AIF1L: variants seen among roughly 807,000 people sequenced by gnomAD.
The protein encoded by AIF1L is allograft inflammatory factor 1-like.
A neutral mutation model predicts 20.7 loss-of-function variants in AIF1L; 12 were observed. That is an observed-to-expected ratio of 0.58 (90% confidence interval 0.37 to 0.94). The LOEUF (loss-of-function observed/expected upper bound fraction) is 0.94. Ranked by LOEUF, AIF1L falls within the 40% of genes least tolerant of loss-of-function variation. AIF1L has a pLI of 0.01. For missense variants in AIF1L, 173 were observed against 185.3 expected (o/e 0.93, Z 0.39); for synonymous variants, 76 against 65.1 (o/e 1.17, Z -0.81).
intron 2 of AIF1L, chr9:131,102,817 G>A (rs971866827): frequency 8.9e-6 from 4 of 449,012 alleles, no homozygotes; most frequent in Admixed American, 2.4e-5. Flanking sequence ...GAGGTCCTAC[G>A]CCCCGGCATG....
intron 4 of AIF1L, among the ~76,000 whole-genome samples, chr9:131,116,786 T>G (rs2133405677): frequency 6.6e-6 from 1 of 152,384 alleles, no homozygotes; most frequent in Non-Finnish European, 1.5e-5. Context: ...TTGAAGCATC[T>G]TGCCGAACTG....
At chr9:131,110,222 TAAC>T (rs1281121565) in intron 2 of AIF1L, among the ~76,000 whole-genome samples, 1 of 152,004 alleles carries the variant, frequency 6.6e-6, no homozygotes, top group Non-Finnish European at 1.5e-5. Context: ...AAAATAATAA[TAAC>T]AATAGCTCCC....
chr9:131,099,884 G>A (rs1373814593), intron 2 of AIF1L, among the ~76,000 whole-genome samples: 1 of 151,694 alleles, frequency 6.6e-6, no homozygotes, highest in Non-Finnish European at 1.5e-5. Flanking sequence ...TTGCCACCAC[G>A]CCCAGCTAAT....
In AIF1L at chr9:131,122,068, A is replaced by G. The variant is rs187397808; in HGVS notation, c.*1746A>G. ...AGACCCAGACAATGACAATGAGATA[A>G]ATGTTAGGAAGGGGGAGGTATGGGG... On this transcript the variant is annotated 3_prime_UTR_variant, in exon 6 of 6. Transcript: ENST00000247291. 2.8e-4 allele frequency: 42 copies of G among 152,358 alleles called. No homozygotes were observed. Among genetic ancestry groups the G allele is most frequent in the African/African-American group, 9.4e-4 (39 of 41,558 alleles). 9.4% of individuals were successfully genotyped at this position (152,358 alleles called of 1,614,324 possible).
At chr9:131,112,167 C>G (rs541946516) in intron 3 of AIF1L, 3 of 157,816 alleles carry the variant, frequency 1.9e-5, no homozygotes, top group Non-Finnish European at 4.2e-5. Context: ...GGAGCCGGCG[C>G]GGGGAGAGGG....
intron 5 of AIF1L, among the ~76,000 whole-genome samples, chr9:131,119,522 A>G (rs1243044845): frequency 1.3e-5 from 2 of 150,094 alleles, no homozygotes; most frequent in Admixed American, 1.3e-4. Context: ...AAAAAAAAAA[A>G]AGAAAACAGA....
rs180977594 is a variant in AIF1L, at chr9:131,100,275, T to G, written c.93+3412T>G. Among the ~76,000 whole-genome samples the G allele has an allele frequency of 1.7e-3, 253 of 152,250 alleles. 1 individual carries two copies. Among genetic ancestry groups the G allele is most frequent in the African/African-American group, 5.7e-3 (236 of 41,546 alleles). ...ACTCTAATGGGCCTAGAAATCCCAG[T>G]AGAGGAAGGGAGGTGGGGGAGCCGC... On this transcript the variant is annotated intron_variant, in intron 2 of 5. Transcript: ENST00000247291.
intron 2 of AIF1L, chr9:131,102,941 G>T (rs1830669842): frequency 4.4e-6 from 2 of 456,356 alleles, no homozygotes; most frequent in Non-Finnish European, 8.8e-6. Context: ...GATACAGAAA[G>T]ACAAGCCTGG....
At chr9:131,116,966 C>T (rs1831027697) in intron 4 of AIF1L, among the ~76,000 whole-genome samples, 1 of 152,202 alleles carries the variant, frequency 6.6e-6, no homozygotes, top group South Asian at 2.1e-4. Flanking sequence ...TGCGCCACGG[C>T]CCATGGCCCC....
chr9:131,114,418 G>A lies in AIF1L; in HGVS notation c.161-159G>A, dbSNP rs1830962217. On this transcript the variant is annotated intron_variant, in intron 3 of 5. Transcript: ENST00000247291. ...ATGAGCTCTTTCCCCAGAGGCCATG[G>A]CTCAGCGGATGGGGGACTCAGGTCA... The A allele has an allele frequency of 4.1e-6, 3 of 736,724 alleles. No individual in the cohort carries two copies. The Admixed American group carries it at 6.2e-5, about 15-fold the overall frequency. The allele number at this position is 736,724 out of a possible 1,614,324, so 45.6% of individuals were successfully genotyped here. A position where few individuals can be genotyped will look rare whatever the true frequency, so the allele number is the denominator to read the frequency against.
At chr9:131,096,769 C>T (rs1190464686) in intron 1 of AIF1L, 33 bp from the exon 2 acceptor site, 3 of 1,515,408 alleles carry the variant, frequency 2.0e-6, no homozygotes, top group African/African-American at 2.9e-5. Context: ...GAAGAGGACC[C>T]CGCTTCCCAG....
Position 131,120,431 on chromosome 9 carries a change from G to A in AIF1L, c.*109G>A. 1 of 941,066 alleles carries A rather than the reference G, an allele frequency of 1.1e-6. No individual in the cohort carries two copies. The highest frequency in any genetic ancestry group is 1.8e-5 in the South Asian group (1 of 56,616). The allele number at this position is 941,066 out of a possible 1,614,324, so 58.3% of individuals were successfully genotyped here. A position where few individuals can be genotyped will look rare whatever the true frequency, so the allele number is the denominator to read the frequency against. Reference sequence around the variant, plus strand: ...TCTCTCTCATTTGTTTGGTCATTGAGGGTTTGTTTGTGTTTTCATCAATGT... The same window carrying A: ...TCTCTCTCATTTGTTTGGTCATTGAAGGTTTGTTTGTGTTTTCATCAATGT... On this transcript the variant is annotated 3_prime_UTR_variant, in exon 6 of 6. Coordinates refer to ENST00000247291, the MANE Select transcript of AIF1L (RefSeq NM_031426.4).
intron 2 of AIF1L, among the ~76,000 whole-genome samples, chr9:131,097,510 C>G (rs1256150806): frequency 6.6e-6 from 1 of 152,242 alleles, no homozygotes; most frequent in African/African-American, 2.4e-5. Flanking sequence ...CCTCTTCACT[C>G]CAACTTTCAG....
chr9:131,101,445 T>G (rs1830639148), intron 2 of AIF1L, among the ~76,000 whole-genome samples: 1 of 151,494 alleles, frequency 6.6e-6, no homozygotes, highest in Admixed American at 6.6e-5. Flanking sequence ...CTCCTGGGCT[T>G]AGGTGATCCT....
chr9:131,099,314 G>C lies in AIF1L; in HGVS notation c.93+2451G>C, dbSNP rs1376566247. On this transcript the variant is annotated intron_variant, in intron 2 of 5. Coordinates refer to ENST00000247291, the MANE Select transcript of AIF1L (RefSeq NM_031426.4). ...GGATCTCTGCCCCTCTGGAGTCCCTGCAACAATTAACCGATGGAAGTGGAT... is the reference window on the plus strand; with the variant it reads ...GGATCTCTGCCCCTCTGGAGTCCCTCCAACAATTAACCGATGGAAGTGGAT... 2.0e-5 allele frequency among the ~76,000 whole-genome samples: 3 copies of C among 152,192 alleles called. No homozygotes were observed. In the East Asian group the frequency reaches 5.8e-4, roughly 29 times the overall value.
chr9:131,117,639 G>A (rs1175229040), intron 4 of AIF1L, 117 bp from the exon 5 acceptor site: 8 of 1,085,126 alleles, frequency 7.4e-6, no homozygotes, highest in Non-Finnish European at 1.1e-5. Context: ...CCTCCCTAGA[G>A]AAGGAGTGCA....
At chr9:131,106,781 T>C (rs1830760026) in intron 2 of AIF1L, among the ~76,000 whole-genome samples, 1 of 89,536 alleles carries the variant, frequency 1.1e-5, no homozygotes, top group South Asian at 3.0e-4. Context: ...ATTGAGAAGG[T>C]GACATTCGGC....
rs573733341 is a variant in AIF1L, at chr9:131,114,651, G to C, written c.202+33G>C. 1.9e-6 allele frequency: 3 copies of C among 1,613,656 alleles called. No individual in the cohort carries two copies. The South Asian group carries it at 3.3e-5, about 18-fold the overall frequency. Reference sequence around the variant, plus strand: ...AAGCCTTGAGTGTGTTTAGGGAGGAGGGTGTTAAGTGGGTAGAGGGCTTGA... The same window carrying C: ...AAGCCTTGAGTGTGTTTAGGGAGGACGGTGTTAAGTGGGTAGAGGGCTTGA... On this transcript the variant is annotated intron_variant, in intron 4 of 5. Transcript: ENST00000247291.
At chr9:131,105,458 G>A (rs755680460) in intron 2 of AIF1L, among the ~76,000 whole-genome samples, 6 of 152,120 alleles carry the variant, frequency 3.9e-5, no homozygotes, top group Non-Finnish European at 7.3e-5. Context: ...TGCACATTCC[G>A]GGTTCAGACA....
Sources: allele counts gnomAD v4.1 joint callset (sites outside exome capture counted in the v4.1 genomes callset), GRCh38; gene constraint gnomAD v4.1.1; transcripts MANE v1.5; gene names NCBI Gene and HGNC (gene_info 2026-07-23, HGNC 2026-07-21).